ATP13A3: variants seen among roughly 807,000 people sequenced by gnomAD.
ATP13A3 encodes polyamine-transporting ATPase 13A3.
Under a neutral mutation model 158.1 loss-of-function variants are expected in ATP13A3, and 59 were observed. The observed-to-expected ratio is 0.37, with a 90% CI of 0.30 to 0.46. ATP13A3 has a LOEUF of 0.46. Among genes scored for constraint, ATP13A3 ranks in the 20% least tolerant of loss-of-function variants. The pLI is 1.00. For synonymous variants in ATP13A3, 491 were observed against 504.3 expected (o/e 0.97, Z 0.35); for missense variants, 1,166 against 1,525.2 (o/e 0.76, Z 3.92).
intron 7 of ATP13A3, 43 bp from the exon 8 acceptor site, chr3:194,456,005 A>G (rs1719200248): frequency 8.0e-7 from 1 of 1,251,334 alleles, no homozygotes; most frequent in Admixed American, 2.5e-5. Flanking sequence ...TTATATCATA[A>G]TAGTATAATT....
At chr3:194,417,146 A>G (rs1715908825) in intron 31 of ATP13A3, among the ~76,000 whole-genome samples, 1 of 152,228 alleles carries the variant, frequency 6.6e-6, no homozygotes, top group Admixed American at 6.5e-5. Context: ...ACTAAACTTA[A>G]AAGTTAAGAA....
intron 29 of ATP13A3, 21 bp downstream of exon 29, chr3:194,427,054 T>C (rs1577042381): frequency 3.8e-6 from 6 of 1,596,726 alleles, no homozygotes; most frequent in Non-Finnish European, 5.1e-6. Flanking sequence ...TATAGATTTT[T>C]ACATAGATTG....
upstream of ATP13A3, chr3:194,487,773 A>G (rs1209701467): frequency 6.6e-6 from 1 of 152,254 alleles, no homozygotes; most frequent in African/African-American, 2.4e-5. Context: ...GGCTGCGGCC[A>G]TCTTTCCGCC....
chr3:194,446,022 C>T (rs1350602622), intron 14 of ATP13A3, among the ~76,000 whole-genome samples: 2 of 151,458 alleles, frequency 1.3e-5, no homozygotes, highest in African/African-American at 4.8e-5. Flanking sequence ...TGTATGGAGC[C>T]TATTGTGTTA....
At chr3:194,488,611 C>T (rs1721094013), upstream of ATP13A3, 1 of 152,456 alleles carries the variant, frequency 6.6e-6, no homozygotes, top group Non-Finnish European at 1.5e-5. The surrounding 1 kb of genome is among the most constrained non-coding windows in gnomAD (Gnocchi z 4.1). Flanking sequence ...ATTCCTCAGG[C>T]CTTATCTCTC....
intron 33 of ATP13A3, 100 bp from the exon 34 acceptor site, chr3:194,406,216 A>C: frequency 1.6e-6 from 2 of 1,237,048 alleles, no homozygotes; most frequent in Non-Finnish European, 2.2e-6. Flanking sequence ...GAGAAAAATA[A>C]GAGGAAATGA....
At chr3:194,438,024 G>A (rs897277209) in intron 17 of ATP13A3, among the ~76,000 whole-genome samples, 1 of 152,140 alleles carries the variant, frequency 6.6e-6, no homozygotes, top group African/African-American at 2.4e-5. Flanking sequence ...GCCGGGTGTG[G>A]TGGCGTGCGC....
At position 194,438,911 on chromosome 3, in the gene ATP13A3, A is replaced by G; in HGVS notation, c.1772T>C (p.Val591Ala). Residue 591 changes from valine to alanine, a missense_variant, in exon 17 of 34, where the codon GTT (valine) becomes GCT (alanine). Physicochemically the swap from Val to Ala is moderately conservative, Grantham distance 64. Around this residue, in one of 3 missense-constraint regions of ATP13A3, gnomAD observed 997 missense variants for 1,341.2 expected, o/e 0.74. Coordinates refer to ENST00000645319, the MANE Select transcript of ATP13A3 (RefSeq NM_001367549.1). ...ALHNRIMPTV[V>A]RPPKQLLPES... ...AGGAAGCAGTTGTTTGGGAGGACGA[A>G]CCACTGTGGGCATAATTCGATTATG... 1 of 1,611,338 alleles carries G rather than the reference A, an allele frequency of 6.2e-7. No individual in the cohort carries two copies. Among genetic ancestry groups the G allele is most frequent in the African/African-American group, 1.3e-5 (1 of 74,850 alleles).
chr3:194,441,434 G>C lies in ATP13A3; in HGVS notation c.1587C>G (p.Cys529Trp). 6.2e-7 allele frequency: 1 copy of C among 1,613,378 alleles called. No individual in the cohort carries two copies. The stretch of plus-strand genomic sequence containing the variant: ...ACTGGGATTTTACCAACATCTCATT[G>C]CACACATTTTCTTCTGGTGAAAGAA... Reference protein sequence around the residue: ...ARFLSPEENVCNEMLVKSQFV... With the variant: ...ARFLSPEENVWNEMLVKSQFV... The change falls in exon 16 of 34, where the codon TGC becomes TGG. Residue 529 changes from cysteine (C) to tryptophan (W), a missense_variant. Cys to Trp is a radical substitution (Grantham distance 215). Coordinates refer to ENST00000645319, the MANE Select transcript of ATP13A3 (RefSeq NM_001367549.1).
intron 24 of ATP13A3, among the ~76,000 whole-genome samples, chr3:194,430,618 C>T (rs1577047185): frequency 6.6e-6 from 1 of 152,104 alleles, no homozygotes; most frequent in African/African-American, 2.4e-5. Flanking sequence ...AGTATGGCTA[C>T]TTTTAACGTT....
At chr3:194,410,360 T>C (rs1715315133) in intron 33 of ATP13A3, among the ~76,000 whole-genome samples, 1 of 132,144 alleles carries the variant, frequency 7.6e-6, no homozygotes. Context: ...CATGCACCTG[T>C]AGTTCCATCT....
intron 13 of ATP13A3, among the ~76,000 whole-genome samples, 185 bp downstream of exon 13, chr3:194,447,667 T>C (rs2108895907): frequency 6.6e-6 from 1 of 152,210 alleles, no homozygotes; most frequent in East Asian, 1.9e-4. Flanking sequence ...ATGGAAATGT[T>C]CTATAGCTGG....
intron 2 of ATP13A3, among the ~76,000 whole-genome samples, chr3:194,476,429 C>A (rs1487376074): frequency 6.6e-6 from 1 of 152,216 alleles, no homozygotes; most frequent in Non-Finnish European, 1.5e-5. Flanking sequence ...ATCTGCCCCA[C>A]CACCCAGCCA....
chr3:194,413,727 C>T (rs774726211), intron 32 of ATP13A3, 32 bp downstream of exon 32: 1 of 1,561,252 alleles, frequency 6.4e-7, no homozygotes, highest in East Asian at 2.2e-5. Flanking sequence ...TCCAAAGCAA[C>T]ATGGTAGCCA....
chr3:194,419,788 T>G, intron 31 of ATP13A3, 91 bp downstream of exon 31: 1 of 1,502,134 alleles, frequency 6.7e-7, no homozygotes, highest in Non-Finnish European at 8.8e-7. Flanking sequence ...TAACAGCATC[T>G]TAGAATACAC....
At chr3:194,454,718 A>G (rs960410022) in intron 8 of ATP13A3, among the ~76,000 whole-genome samples, 5 of 151,876 alleles carry the variant, frequency 3.3e-5, no homozygotes, top group African/African-American at 1.2e-4. Context: ...AGTCCCAGCT[A>G]CTCAGGAGGC....
chr3:194,469,126 C>T (rs542459952), intron 2 of ATP13A3, among the ~76,000 whole-genome samples: 110 of 149,226 alleles, frequency 7.4e-4, no homozygotes, highest in African/African-American at 2.8e-3. Context: ...GAGCAAGACT[C>T]CATCACACAC....
intron 16 of ATP13A3, among the ~76,000 whole-genome samples, chr3:194,439,495 CT>C (rs1717892603): frequency 1.3e-5 from 2 of 152,152 alleles, no homozygotes; most frequent in Admixed American, 6.5e-5. Context: ...TTTAAAGAAC[CT>C]TTTTTGGTGA....
rs530515541 is a variant in ATP13A3 at position 194,454,778 on chromosome 3, G to A, written c.631-386C>T. On this transcript the variant is annotated intron_variant, in intron 8 of 33. Coordinates refer to ENST00000645319, the MANE Select transcript of ATP13A3 (RefSeq NM_001367549.1). ...CGGGAGGCAGAGCTTGCAGTGAGCC[G>A]AGATCGCGCCACTGCAGCCTGGGAG... 1.3e-4 allele frequency among the ~76,000 whole-genome samples: 19 copies of A among 150,270 alleles called. 1 individual carries two copies. The highest frequency in any genetic ancestry group is 2.9e-4 in the African/African-American group (12 of 40,804).
Sources: allele counts gnomAD v4.1 joint callset (sites outside exome capture counted in the v4.1 genomes callset), GRCh38; gene constraint gnomAD v4.1.1; regional missense constraint gnomAD v4.1.1; non-coding constraint Gnocchi (gnomAD v3.1); transcripts MANE v1.5; gene names NCBI Gene and HGNC (gene_info 2026-07-23, HGNC 2026-07-21).